Variants in MYSM1 observed in about 807,000 individuals in gnomAD.
MYSM1 encodes the protein deubiquitinase MYSM1.
Under a neutral mutation model 116.0 loss-of-function variants are expected in MYSM1, and 51 were observed. That is an observed-to-expected ratio of 0.44 (90% CI 0.35 to 0.56). The LOEUF (loss-of-function observed/expected upper bound fraction) is 0.56, where lower values mean the gene tolerates loss of function less well. Among genes scored for constraint, MYSM1 ranks in the 20% least tolerant of loss-of-function variants. The probability of loss-of-function intolerance (pLI) is 0.00; values close to 1 mark genes in which losing one functional copy is unlikely to be tolerated. For synonymous variants in MYSM1, 313 were observed against 315.2 expected (o/e 0.99, Z 0.07); for missense variants, 900 against 974.9 (o/e 0.92, Z 1.02).
intron 3 of MYSM1, 167 bp downstream of exon 3, chr1:58,692,694 A>C (rs1644919838): frequency 2.0e-6 from 1 of 511,356 alleles, no homozygotes; most frequent in Non-Finnish European, 3.4e-6. Context: ...ACAGAACCTG[A>C]GGAAGAAAAT....
intron 12 of MYSM1, among the ~76,000 whole-genome samples, chr1:58,671,579 T>C (rs1206372622): frequency 1.3e-5 from 2 of 152,196 alleles, no homozygotes; most frequent in African/African-American, 4.8e-5. Flanking sequence ...CCCAGTCATT[T>C]CATGAAGGTT....
intron 7 of MYSM1, among the ~76,000 whole-genome samples, chr1:58,682,830 G>C (rs1569773999): frequency 1.3e-5 from 2 of 152,002 alleles, no homozygotes; most frequent in Admixed American, 1.3e-4. Flanking sequence ...CGAATAGCTG[G>C]GACTACAGGC....
At chr1:58,672,095 A>G (rs1255359590) in intron 11 of MYSM1, 137 bp from the exon 12 acceptor site, 7 of 650,628 alleles carry the variant, frequency 1.1e-5, no homozygotes, top group Middle Eastern at 2.9e-4. Flanking sequence ...CCTTTTTGCT[A>G]CCAACATGTA....
chr1:58,661,293 A>C, intron 18 of MYSM1, 66 bp from the exon 19 acceptor site: 1 of 1,405,164 alleles, frequency 7.1e-7, no homozygotes, highest in Admixed American at 1.7e-5. Flanking sequence ...TTTCATAATA[A>C]ACTATCACGG....
chr1:58,662,350 T>C (rs1393892873), intron 17 of MYSM1, among the ~76,000 whole-genome samples: 1 of 152,136 alleles, frequency 6.6e-6, no homozygotes, highest in Non-Finnish European at 1.5e-5. Context: ...CTCAGCTGAT[T>C]CACTAGCAAA....
chr1:58,690,947 C>T (rs962330886), intron 3 of MYSM1, among the ~76,000 whole-genome samples: 2 of 152,132 alleles, frequency 1.3e-5, no homozygotes, highest in African/African-American at 4.8e-5. Flanking sequence ...ACATTTAGAT[C>T]AAATCTACCA....
chr1:58,685,677 T>C (rs950526774), intron 6 of MYSM1, among the ~76,000 whole-genome samples: 2 of 152,236 alleles, frequency 1.3e-5, no homozygotes, highest in African/African-American at 2.4e-5. Flanking sequence ...TCAGATTCCC[T>C]ATTTTGCAAT....
chr1:58,688,979 C>T (rs1488385863), intron 6 of MYSM1, 59 bp downstream of exon 6: 19 of 1,449,640 alleles, frequency 1.3e-5, no homozygotes, highest in Non-Finnish European at 1.8e-5. Flanking sequence ...AACCTTATAA[C>T]TTTACCAATA....
At chr1:58,678,848 A>G (rs951680547) in intron 8 of MYSM1, among the ~76,000 whole-genome samples, 1 of 152,208 alleles carries the variant, frequency 6.6e-6, no homozygotes, top group Non-Finnish European at 1.5e-5. Flanking sequence ...GTCAGGGTCA[A>G]GGCCATGAGT....
rs369843846 is a variant in MYSM1 at position 58,667,021 on chromosome 1, A to G, written c.2031+17T>C. 6 of 1,541,436 alleles carry G rather than the reference A, an allele frequency of 3.9e-6. No homozygotes were observed. The African/African-American group carries it at 4.1e-5, about 10-fold the overall frequency. On this transcript the variant is annotated intron_variant, in intron 16 of 19. Coordinates refer to ENST00000472487, the MANE Select transcript of MYSM1 (RefSeq NM_001085487.3). The stretch of plus-strand genomic sequence containing the variant: ...GGGTGTGCAACCATTTACAGAATAT[A>G]AATATACATGTAATACCTGGTATTT...
intron 3 of MYSM1, among the ~76,000 whole-genome samples, chr1:58,690,949 A>C (rs575842678): frequency 1.1e-4 from 16 of 152,202 alleles, no homozygotes; most frequent in Non-Finnish European, 2.4e-4. Context: ...ATTTAGATCA[A>C]ATCTACCAGA....
At chr1:58,672,229 C>T (rs571261794) in intron 11 of MYSM1, among the ~76,000 whole-genome samples, 12 of 152,274 alleles carry the variant, frequency 7.9e-5, no homozygotes, top group African/African-American at 2.4e-4. Flanking sequence ...GGTTCAAAAA[C>T]GTCAGAATCA....
chr1:58,687,569 G>A (rs879184689), intron 6 of MYSM1, among the ~76,000 whole-genome samples: 7 of 152,040 alleles, frequency 4.6e-5, no homozygotes, highest in South Asian at 4.1e-4. Flanking sequence ...GACCTTTGTC[G>A]AAGTGAAACA....
intron 6 of MYSM1, among the ~76,000 whole-genome samples, chr1:58,688,326 T>C (rs1644857964): frequency 1.3e-5 from 2 of 151,660 alleles, no homozygotes; most frequent in African/African-American, 4.8e-5. Flanking sequence ...ATATGTAATG[T>C]ATAAATATAC....
chr1:58,667,962 C>T, intron 14 of MYSM1, 41 bp from the exon 15 acceptor site: 2 of 1,373,012 alleles, frequency 1.5e-6, no homozygotes, highest in Non-Finnish European at 1.0e-6. Flanking sequence ...AACGCACAAA[C>T]CCACCTGACA....
At chr1:58,662,359 A>C (rs745620568) in intron 17 of MYSM1, among the ~76,000 whole-genome samples, 2 of 152,140 alleles carry the variant, frequency 1.3e-5, no homozygotes, top group Non-Finnish European at 2.9e-5. Flanking sequence ...TTCACTAGCA[A>C]AGGCTGATAC....
chr1:58,679,364 T>C (rs980864555), intron 8 of MYSM1, among the ~76,000 whole-genome samples: 3 of 152,246 alleles, frequency 2.0e-5, no homozygotes, highest in South Asian at 2.1e-4. Context: ...ATGTAATTTA[T>C]AGTACCTATA....
chr1:58,689,563 G>A (rs1190899331), intron 5 of MYSM1: 1 of 152,830 alleles, frequency 6.5e-6, no homozygotes, highest in Admixed American at 6.5e-5. Context: ...AAAAACTACA[G>A]CATTGTATTT....
At chr1:58,680,020 C>G (rs905771715) in intron 8 of MYSM1, among the ~76,000 whole-genome samples, 1 of 128,836 alleles carries the variant, frequency 7.8e-6, no homozygotes, top group African/African-American at 3.1e-5. Context: ...GAGTGAGACT[C>G]TGTCTCAAAA....
Sources: gnomAD v4.1 joint callset for allele counts (sites outside exome capture counted in the v4.1 genomes callset) on GRCh38, gnomAD v4.1.1 for gene constraint, MANE v1.5 for transcripts, NCBI Gene and HGNC (gene_info 2026-07-23, HGNC 2026-07-21) for gene names.